KDM5B: variants seen among roughly 807,000 people sequenced by gnomAD.
KDM5B encodes the protein lysine-specific demethylase 5B.
A neutral mutation model predicts 193.4 loss-of-function variants in KDM5B; 144 were observed. The observed-to-expected ratio is 0.74, with a 90% CI of 0.65 to 0.86. The LOEUF is 0.86. Ranked by LOEUF, KDM5B falls within the 40% of genes least tolerant of loss-of-function variation. KDM5B has a pLI of 0.00. For synonymous variants in KDM5B, 668 were observed against 682.6 expected (o/e 0.98, Z 0.33); for missense variants, 1,833 against 1,886.9 (o/e 0.97, Z 0.53).
intron 25 of KDM5B, 97 bp from the exon 26 acceptor site, chr1:202,730,124 A>T (rs1654828842): frequency 1.3e-5 from 13 of 987,780 alleles, no homozygotes; most frequent in Non-Finnish European, 1.7e-5. Flanking sequence ...AAATCAGATG[A>T]TCCCCCAATC....
rs1275207464 is a variant in KDM5B, at chr1:202,733,461, G to A, written c.3849C>T (p.Gly1283=). 5.6e-6 allele frequency: 9 copies of A among 1,613,994 alleles called. No individual in the cohort carries two copies. Among genetic ancestry groups the A allele is most frequent in the Admixed American group, 5.0e-5 (3 of 59,998 alleles). The change falls in exon 23 of 27, where the codon GGC becomes GGT. Residue 1283 remains glycine (G), a synonymous_variant. Transcript: ENST00000367265. ...GNLKFVQDRV[G]SGLLYSRWQA... ...GCCATCTGCTATATAACAGTCCTGA[G>A]CCCACTCGATCTTGCACAAATTTAA...
At position 202,740,782 on chromosome 1, in the gene KDM5B, C is replaced by T. The variant is rs541148080; in HGVS notation, c.2976G>A (p.Thr992=). 10 of 1,612,390 alleles carry T rather than the reference C, an allele frequency of 6.2e-6. No individual in the cohort carries two copies. Among genetic ancestry groups the T allele is most frequent in the African/African-American group, 2.7e-5 (2 of 74,868 alleles). ...RPRHSLNSLA[T]AVKEIEEIPA... ...GGATCTCTTCGATTTCCTTTACTGC[C>T]GTAGCAAGGCTATTCAATGAATGTC... The change falls in exon 20 of 27, where the codon ACG becomes ACA. Residue 992 remains threonine, a synonymous_variant. Transcript: ENST00000367265.
At chr1:202,758,788 G>A (rs1299984261) in intron 8 of KDM5B, 10 of 242,228 alleles carry the variant, frequency 4.1e-5, no homozygotes, top group African/African-American at 9.0e-5. Flanking sequence ...CTAAAGACTC[G>A]ACTTCCTTCA....
At position 202,752,927 on chromosome 1, in the gene KDM5B, G is replaced by A. The variant is rs758196049; in HGVS notation, c.1679C>T (p.Thr560Ile). The change falls in exon 12 of 27, where the codon ACC becomes ATC. Residue 560 changes from threonine to isoleucine, a missense_variant. By Grantham distance (89) the Thr-to-Ile change is moderately conservative. Coordinates refer to ENST00000367265, the MANE Select transcript of KDM5B (RefSeq NM_006618.5). ...TACAGGCACTTCATGAGTCATCAGG[G>A]TATTGGGGTTCATGATGGTCACAAG... The part of the protein sequence containing the change: ...HQLVTIMNPN[T>I]LMTHEVPVYR... 11 of 1,614,002 alleles carry A rather than the reference G, an allele frequency of 6.8e-6. No homozygotes were observed. The highest frequency in any genetic ancestry group is 1.3e-5 in the African/African-American group (1 of 74,920).
rs141505414 is a variant in KDM5B at position 202,735,582 on chromosome 1, C to A, written c.3270G>T (p.Leu1090=). Residue 1090 remains leucine, a synonymous_variant, in exon 22 of 27, where the codon CTG becomes CTT. Coordinates refer to ENST00000367265, the MANE Select transcript of KDM5B (RefSeq NM_006618.5). ...AAAGGCCAATATCACATCGAGGACA[C>A]AGCACCTAATGTGGGACAAGGCACA... ...ENSPYSLLEV[L]CPRCDIGLLG... 1.2e-5 allele frequency: 20 copies of A among 1,613,498 alleles called. No individual in the cohort carries two copies. The highest frequency in any genetic ancestry group is 1.7e-5 in the Non-Finnish European group (20 of 1,179,624).
intron 1 of KDM5B, among the ~76,000 whole-genome samples, chr1:202,798,300 C>CTT (rs34994129): frequency 3.4e-4 from 45 of 131,370 alleles, no homozygotes; most frequent in African/African-American, 9.8e-4. Context: ...TGGTTTTTGT[C>CTT]TTTTTTTTTT....
chr1:202,767,094 C>CT lies in KDM5B; in HGVS notation c.577-35dup, dbSNP rs373292954. On this transcript the variant is annotated intron_variant, in intron 4 of 26. Coordinates refer to ENST00000367265, the MANE Select transcript of KDM5B (RefSeq NM_006618.5). ...AACAACTGTACTGATAAATTCCCTC[C>CT]TTTTTTTTTTCACATCATAAGTTTA... The CT allele has an allele frequency of 4.8e-3, 6,275 of 1,315,874 alleles. 1 individual carries two copies. The highest frequency in any genetic ancestry group is 0.013 in the Middle Eastern group (64 of 5,052). The allele number at this position is 1,315,874 out of a possible 1,614,324, so 81.5% of individuals were successfully genotyped here.
intron 4 of KDM5B, among the ~76,000 whole-genome samples, chr1:202,769,232 T>C (rs893206607): frequency 2.7e-5 from 4 of 148,620 alleles, no homozygotes; most frequent in African/African-American, 7.4e-5. Context: ...GAGACAGGGT[T>C]TCACCGTGTT....
chr1:202,726,740 T>C lies in KDM5B; in HGVS notation c.*2296A>G, dbSNP rs1433701411. On this transcript the variant is annotated 3_prime_UTR_variant, in exon 27 of 27. Coordinates refer to ENST00000367265, the MANE Select transcript of KDM5B (RefSeq NM_006618.5). ...ACATGGTTTTTAGATCACATCAGTCTGTAGTCATTTTAGGGATACAACAAA... is the reference window on the plus strand; with the variant it reads ...ACATGGTTTTTAGATCACATCAGTCCGTAGTCATTTTAGGGATACAACAAA... 1 of 152,250 alleles carries C rather than the reference T, an allele frequency of 6.6e-6. No homozygotes were observed. Among genetic ancestry groups the C allele is most frequent in the Non-Finnish European group, 1.5e-5 (1 of 68,042 alleles). 9.4% of individuals were successfully genotyped at this position (152,250 alleles called of 1,614,324 possible). A position where few individuals can be genotyped will look rare whatever the true frequency, so the allele number is the denominator to read the frequency against.
rs2102201820 is a variant in KDM5B, at chr1:202,727,316, G to A, written c.*1720C>T. 6.6e-6 allele frequency: 1 copy of A among 152,340 alleles called. No homozygotes were observed. The highest frequency in any genetic ancestry group is 1.9e-4 in the East Asian group (1 of 5,184). The allele number at this position is 152,340 out of a possible 1,614,324, so 9.4% of individuals were successfully genotyped here. On this transcript the variant is annotated 3_prime_UTR_variant, in exon 27 of 27. Coordinates refer to ENST00000367265, the MANE Select transcript of KDM5B (RefSeq NM_006618.5). ...CACGATGATTCCAAATTGTACTCTGGAGACTATTCTTCTCTATTGGCCCCA... is the reference window on the plus strand; with the variant it reads ...CACGATGATTCCAAATTGTACTCTGAAGACTATTCTTCTCTATTGGCCCCA...
At chr1:202,764,506 G>A (rs1445151052) in intron 5 of KDM5B, among the ~76,000 whole-genome samples, 1 of 152,010 alleles carries the variant, frequency 6.6e-6, no homozygotes, top group Non-Finnish European at 1.5e-5. Context: ...ATGGTGGCAC[G>A]CACCTGTAGT....
At position 202,756,397 on chromosome 1, in the gene KDM5B, A is replaced by C. The variant is rs781550836; in HGVS notation, c.1317T>G (p.Pro439=). 6.2e-6 allele frequency: 10 copies of C among 1,613,166 alleles called. No individual in the cohort carries two copies. Among genetic ancestry groups the C allele is most frequent in the Non-Finnish European group, 8.5e-6 (10 of 1,179,548 alleles). The change falls in exon 10 of 27, where the codon CCT becomes CCG. Residue 439 remains proline, a synonymous_variant. Transcript: ENST00000367265. The stretch of plus-strand genomic sequence containing the variant: ...AGAGTTTGATTTTCCCATCTCGGAC[A>C]GGAAAGCCACTGCCAAATTCCTTTG... ...IASKEFGSGF[P]VRDGKIKLSP... is the part of the protein sequence containing the mutation.
chr1:202,763,263 C>T (rs548554386), intron 6 of KDM5B, among the ~76,000 whole-genome samples: 12 of 152,216 alleles, frequency 7.9e-5, no homozygotes, highest in African/African-American at 2.4e-4. Context: ...AGAAGTTTGG[C>T]GAAAACACTG....
At chr1:202,766,541 T>C (rs1187584073) in intron 5 of KDM5B, 2 of 434,144 alleles carry the variant, frequency 4.6e-6, no homozygotes, top group Non-Finnish European at 9.0e-6. Context: ...AAAGTGGCTT[T>C]AACTGTCTTC....
At chr1:202,732,118 A>C (rs1015918077) in intron 23 of KDM5B, 179 bp from the exon 24 acceptor site, 1 of 551,500 alleles carries the variant, frequency 1.8e-6, no homozygotes, top group African/African-American at 2.0e-5. Context: ...AAATCAACTC[A>C]TATCTTCCCA....
intron 3 of KDM5B, among the ~76,000 whole-genome samples, chr1:202,773,679 T>C (rs990897104): frequency 1.3e-5 from 2 of 151,814 alleles, no homozygotes; most frequent in African/African-American, 4.8e-5. Context: ...GCATGTTTGA[T>C]GGAAAGAATG....
chr1:202,793,246 AAT>A (rs1440389691), intron 1 of KDM5B, among the ~76,000 whole-genome samples: 2 of 152,144 alleles, frequency 1.3e-5, no homozygotes, highest in Non-Finnish European at 2.9e-5. Flanking sequence ...AAAACCAACA[AAT>A]ATGTTGCTTT....
chr1:202,738,107 A>C (rs1242243513), intron 20 of KDM5B, among the ~76,000 whole-genome samples: 1 of 152,222 alleles, frequency 6.6e-6, no homozygotes, highest in Non-Finnish European at 1.5e-5. Flanking sequence ...GTTGTTAGTC[A>C]TGTGTAGCAG....
rs746853626 is a variant in KDM5B at position 202,742,781 on chromosome 1, A to T, written c.2348T>A (p.Ile783Asn). The change falls in exon 17 of 27, where the codon ATT becomes AAT. Residue 783 changes from isoleucine (I) to asparagine (N), a missense_variant. This residue lies in a region of KDM5B where 1,379 missense variants were observed against 1,349.6 expected (regional missense o/e 1.02). Transcript: ENST00000367265. ...KKSLVSFKAL[I>N]EESEMKKFPD... ...GAATTTCTTCATTTCAGATTCTTCA[A>T]TTAAAGCCTTGAAGCTGACAAGGCC... 6.2e-7 allele frequency: 1 copy of T among 1,614,138 alleles called. No individual in the cohort carries two copies. The highest frequency in any genetic ancestry group is 2.2e-5 in the East Asian group (1 of 44,884).
Sources: allele counts gnomAD v4.1 joint callset (sites outside exome capture counted in the v4.1 genomes callset), GRCh38; gene constraint gnomAD v4.1.1; regional missense constraint gnomAD v4.1.1; transcripts MANE v1.5; gene names NCBI Gene and HGNC (gene_info 2026-07-23, HGNC 2026-07-21).